The following MYO16 variants were observed in gnomAD, a reference collection of about 807,000 sequenced individuals.
MYO16 encodes myosin XVI.
MYO16 carries 94 observed loss-of-function variants against 205.3 expected under a neutral mutation model. The observed-to-expected ratio is 0.46, with a 90% CI of 0.39 to 0.54. The LOEUF is 0.54. MYO16 is among the 20% of genes least tolerant of loss of function. The pLI is 0.00. For missense variants in MYO16, 2,315 were observed against 2,387.5 expected (o/e 0.97, Z 0.63); for synonymous variants, 988 against 954.0 (o/e 1.04, Z -0.66).
chr13:109,140,439 G>A lies in MYO16; in HGVS notation c.4227G>A (p.Leu1409=). The change falls in exon 32 of 35, where the codon CTG becomes CTA. Residue 1409 remains leucine, a synonymous_variant. Coordinates refer to ENST00000457511, the MANE Select transcript of MYO16 (RefSeq NM_001198950.3). The surrounding 1 kb of genome is among the most constrained non-coding windows in gnomAD (Gnocchi z 8.0). ...CCCCGGGGGCAGCAGCGCGCGTTCT[G>A]ACCCCCGGGACTCCGCAGTGCGCGC... ...AGAPGAAARV[L]TPGTPQCALP... is the part of the protein sequence containing the mutation. 1 of 1,552,260 alleles carries A rather than the reference G, an allele frequency of 6.4e-7. No individual in the cohort carries two copies. The highest frequency in any genetic ancestry group is 1.9e-5 in the Admixed American group (1 of 52,732).
In MYO16 at chr13:108,957,669, G is replaced by A. The variant is rs531869400; in HGVS notation, c.1926-19G>A. The A allele has an allele frequency of 2.4e-5, 38 of 1,562,214 alleles. No homozygotes were observed. The South Asian group carries it at 2.6e-4, about 11-fold the overall frequency. ...ACCGGAAGCCAGGCGATAACGTTAC[G>A]TGCCTTGTCTCCTAACAGGTATTTG... On this transcript the variant is annotated intron_variant, in intron 16 of 34. Coordinates refer to ENST00000457511, the MANE Select transcript of MYO16 (RefSeq NM_001198950.3).
chr13:108,846,706 G>A (rs1877542505), intron 10 of MYO16, among the ~76,000 whole-genome samples: 1 of 151,870 alleles, frequency 6.6e-6, no homozygotes, highest in Admixed American at 6.6e-5. Flanking sequence ...GAATATTAAT[G>A]TTATTTATTA....
At chr13:109,197,281 G>A (rs527611844) in intron 34 of MYO16, among the ~76,000 whole-genome samples, 2 of 152,320 alleles carry the variant, frequency 1.3e-5, no homozygotes, top group African/African-American at 4.8e-5. Context: ...CTGAATCTGT[G>A]AATGTGAAAT....
chr13:108,868,355 A>G (rs1006556890), intron 12 of MYO16, among the ~76,000 whole-genome samples: 2 of 152,148 alleles, frequency 1.3e-5, no homozygotes, highest in East Asian at 3.8e-4. Context: ...TTATTGCTCT[A>G]ATTTGTGTTT....
At chr13:109,068,541 C>A (rs1205585075) in intron 27 of MYO16, among the ~76,000 whole-genome samples, 2 of 151,888 alleles carry the variant, frequency 1.3e-5, no homozygotes, top group African/African-American at 2.4e-5. Context: ...TTCATGAGCA[C>A]ACCACTTCTT....
At chr13:109,101,745 C>T (rs763399347) in intron 28 of MYO16, 10 of 152,106 alleles carry the variant, frequency 6.6e-5, no homozygotes, top group Non-Finnish European at 4.4e-5. Context: ...GTGGCAAAAA[C>T]AAATGGTAGC....
intron 16 of MYO16, among the ~76,000 whole-genome samples, chr13:108,957,174 A>G (rs1883385737): frequency 6.6e-6 from 1 of 152,092 alleles, no homozygotes. Context: ...TCACAAGGTC[A>G]GGAGTTTGAG....
chr13:109,194,750 C>T (rs1357580168), intron 34 of MYO16, among the ~76,000 whole-genome samples: 1 of 152,020 alleles, frequency 6.6e-6, no homozygotes, highest in East Asian at 1.9e-4. Flanking sequence ...AGCATATGGG[C>T]TTGATTCTTT....
chr13:108,780,594 G>A (rs9521047), intron 4 of MYO16, among the ~76,000 whole-genome samples: 148,901 of 152,134 alleles, frequency 0.98, 72,929 homozygotes, highest in Middle Eastern at 1. Flanking sequence ...CCTTGAAAAG[G>A]AAGGTCAGAA....
At chr13:108,522,273 A>C in the MYO16 span, among the ~76,000 whole-genome samples, 1 of 152,252 alleles carries the variant, frequency 6.6e-6, no homozygotes, top group Non-Finnish European at 1.5e-5. Flanking sequence ...AATATGCTAA[A>C]AAGAAAATCT....
chr13:108,964,528 G>A (rs1017764761), intron 19 of MYO16, among the ~76,000 whole-genome samples: 7 of 152,198 alleles, frequency 4.6e-5, no homozygotes, highest in African/African-American at 1.7e-4. Flanking sequence ...AATAAAGGTG[G>A]AACGCTGTGG....
intron 13 of MYO16, among the ~76,000 whole-genome samples, chr13:108,884,538 G>A (rs993938664): frequency 6.6e-6 from 1 of 152,158 alleles, no homozygotes; most frequent in African/African-American, 2.4e-5. Flanking sequence ...ACTGAGGCAG[G>A]GGCTTCTGCC....
chr13:108,856,164 CT>C (rs1878160687), intron 11 of MYO16, among the ~76,000 whole-genome samples: 1 of 152,166 alleles, frequency 6.6e-6, no homozygotes, highest in Non-Finnish European at 1.5e-5. Context: ...GTTTAGGCAC[CT>C]TGTAACATCA....
At chr13:108,633,622 C>T (rs943936208) in intron 1 of MYO16, among the ~76,000 whole-genome samples, 1 of 152,170 alleles carries the variant, frequency 6.6e-6, no homozygotes, top group African/African-American at 2.4e-5. Context: ...TGACATCACC[C>T]TTGCAGACAC....
chr13:108,643,754 A>G (rs2139384003), intron 1 of MYO16, among the ~76,000 whole-genome samples: 1 of 152,290 alleles, frequency 6.6e-6, no homozygotes, highest in African/African-American at 2.4e-5. Context: ...TAGAGCCTTT[A>G]TAAATATTCA....
intron 9 of MYO16, among the ~76,000 whole-genome samples, chr13:108,827,340 G>A (rs1351963998): frequency 6.6e-6 from 1 of 152,006 alleles, no homozygotes; most frequent in African/African-American, 2.4e-5. Flanking sequence ...CCAAATTTCT[G>A]CTTTACAGTA....
At chr13:108,756,525 C>A (rs992402220) in intron 4 of MYO16, among the ~76,000 whole-genome samples, 7 of 151,806 alleles carry the variant, frequency 4.6e-5, no homozygotes, top group African/African-American at 1.5e-4. Flanking sequence ...AAGTGCTTTT[C>A]AAGATAATAT....
chr13:108,856,899 G>A (rs545505111), intron 11 of MYO16, among the ~76,000 whole-genome samples: 2 of 152,186 alleles, frequency 1.3e-5, no homozygotes, highest in African/African-American at 4.8e-5. Flanking sequence ...AAGCACAAAT[G>A]TAATCTCAAA....
intron 34 of MYO16, 45 bp downstream of exon 34, chr13:109,179,678 A>C: frequency 6.9e-7 from 1 of 1,456,556 alleles, no homozygotes; most frequent in Non-Finnish European, 9.6e-7. Flanking sequence ...AAATGGAATT[A>C]AGTTATGACA....
Sources: gnomAD v4.1 joint callset for allele counts (sites outside exome capture counted in the v4.1 genomes callset) on GRCh38, gnomAD v4.1.1 for gene constraint, Gnocchi (gnomAD v3.1) non-coding constraint, MANE v1.5 for transcripts, NCBI Gene and HGNC (gene_info 2026-07-23, HGNC 2026-07-21) for gene names.